Variants in COL7A1 observed in about 807,000 individuals in gnomAD.
COL7A1 encodes the protein collagen type VII alpha 1 chain, also known as collagen alpha-1(VII) chain.
COL7A1 carries 296 observed loss-of-function variants against 456.2 expected under a neutral mutation model. The observed-to-expected ratio is 0.65, with a 90% confidence interval of 0.59 to 0.71. The LOEUF (loss-of-function observed/expected upper bound fraction) is 0.71. COL7A1 is among the 30% of genes least tolerant of loss of function. The probability of loss-of-function intolerance (pLI) is 0.00; values close to 1 mark genes in which losing one functional copy is unlikely to be tolerated. For missense variants in COL7A1, 3,441 were observed against 4,017.2 expected (o/e 0.86, Z 3.88); for synonymous variants, 1,464 against 1,525.9 (o/e 0.96, Z 0.95).
Position 48,570,827 on chromosome 3 carries a change from A to C in COL7A1, c.7272+34T>G. The C allele has an allele frequency of 6.3e-7, 1 of 1,585,326 alleles. No individual in the cohort carries two copies. Among genetic ancestry groups the C allele is most frequent in the South Asian group, 1.1e-5 (1 of 87,524 alleles). On this transcript the variant is annotated intron_variant, in intron 95 of 118. Transcript: ENST00000681320. This position sits in a 1 kb window ranked among gnomAD's most constrained non-coding sequence, Gnocchi z 5.5. ...CCCCCTCCTCACCCACCATGGATTC[A>C]CCATGCCCCTACATGCTGTTCCCAG...
In COL7A1 at chr3:48,565,616, G is replaced by C. The variant is rs759699315; in HGVS notation, c.8440+20C>G. ...CAGGGCCTGGGGTGAAGAAAGTTCT[G>C]GGAGTAGAAAACTACTCACGTGATC... On this transcript the variant is annotated intron_variant, in intron 115 of 118. Transcript: ENST00000681320. This position sits in a 1 kb window ranked among gnomAD's most constrained non-coding sequence, Gnocchi z 4.5. 62 of 1,614,092 alleles carry C rather than the reference G, an allele frequency of 3.8e-5. 5 individuals are homozygous for C. The South Asian group carries it at 6.7e-4, about 17-fold the overall frequency.
Position 48,574,878 on chromosome 3 carries a change from G to A in COL7A1, c.6280-13C>T. 2 of 1,613,686 alleles carry A rather than the reference G, an allele frequency of 1.2e-6. No homozygotes were observed. The highest frequency in any genetic ancestry group is 1.7e-6 in the Non-Finnish European group (2 of 1,179,880). On this transcript the variant is annotated splice_polypyrimidine_tract_variant and intron_variant, in intron 76 of 118. Transcript: ENST00000681320. This position sits in a 1 kb window ranked among gnomAD's most constrained non-coding sequence, Gnocchi z 5.0. ...CATCCACAGACACCTACAAACACAA[G>A]GTCACAGGGGAGAGATGTCTCTGTC...
At position 48,587,580 on chromosome 3, in the gene COL7A1, A is replaced by C; in HGVS notation, c.2858-26T>G. 1 of 1,613,364 alleles carries C rather than the reference A, an allele frequency of 6.2e-7. No individual in the cohort carries two copies. The highest frequency in any genetic ancestry group is 8.5e-7 in the Non-Finnish European group (1 of 1,180,016). ...CTGAAGGAGGAATGAAAGATCGAGG[A>C]TCAGAGGCTGAGTCCTGAGAACCCA... On this transcript the variant is annotated intron_variant, in intron 22 of 118. Transcript: ENST00000681320. This position sits in a 1 kb window ranked among gnomAD's most constrained non-coding sequence, Gnocchi z 6.1.
At position 48,583,624 on chromosome 3, in the gene COL7A1, G is replaced by A. The variant is rs1251171124; in HGVS notation, c.4342-9C>T. The A allele has an allele frequency of 6.2e-6, 10 of 1,613,914 alleles. No individual in the cohort carries two copies. Among genetic ancestry groups the A allele is most frequent in the Non-Finnish European group, 5.9e-6 (7 of 1,180,008 alleles). ...CCATCCTCAGAGTCACCCTGAAGGAGAAACACACGGGTGGGAAGACCGAAG... is the reference window on the plus strand; with the variant it reads ...CCATCCTCAGAGTCACCCTGAAGGAAAAACACACGGGTGGGAAGACCGAAG... On this transcript the variant is annotated splice_polypyrimidine_tract_variant and intron_variant, in intron 40 of 118. Coordinates refer to ENST00000681320, the MANE Select transcript of COL7A1 (RefSeq NM_000094.4). This position sits in a 1 kb window ranked among gnomAD's most constrained non-coding sequence, Gnocchi z 5.1.
At position 48,594,370 on chromosome 3, in the gene COL7A1, T is replaced by C. The variant is rs1244314181; in HGVS notation, c.264A>G (p.Pro88=). ...CAGCCCCCAGGGCCCCTACTCACCG[T>C]GGGTCATCGCTGTACTGCACTGTGG... The part of the protein sequence containing the change: ...RFATVQYSDD[P]RTEFGLDALG... The change falls in exon 3 of 119, where the codon CCA becomes CCG. Residue 88 remains proline (P), a splice_region_variant and synonymous_variant. Coordinates refer to ENST00000681320, the MANE Select transcript of COL7A1 (RefSeq NM_000094.4). This position sits in a 1 kb window ranked among gnomAD's most constrained non-coding sequence, Gnocchi z 5.5. 1.2e-6 allele frequency: 2 copies of C among 1,610,208 alleles called. No individual in the cohort carries two copies. Among genetic ancestry groups the C allele is most frequent in the Non-Finnish European group, 1.7e-6 (2 of 1,180,002 alleles).
chr3:48,589,237 G>T (rs2045517572), intron 18 of COL7A1, 90 bp downstream of exon 18: 1 of 1,577,052 alleles, frequency 6.3e-7, no homozygotes. Context: ...TCACTGAGCA[G>T]GGGGGTGGAG....
Position 48,570,062 on chromosome 3 carries a change from A to G in COL7A1, c.7485+72T>C. On this transcript the variant is annotated intron_variant, in intron 99 of 118. Coordinates refer to ENST00000681320, the MANE Select transcript of COL7A1 (RefSeq NM_000094.4). This position sits in a 1 kb window ranked among gnomAD's most constrained non-coding sequence, Gnocchi z 5.5. ...CAGAGGGCTAGGGAGGATGGCAGAGAGTCCTGGGGTACAAAGGGCACAGGC... is the reference window on the plus strand; with the variant it reads ...CAGAGGGCTAGGGAGGATGGCAGAGGGTCCTGGGGTACAAAGGGCACAGGC... 1 of 1,601,000 alleles carries G rather than the reference A, an allele frequency of 6.2e-7. No homozygotes were observed. Among genetic ancestry groups the G allele is most frequent in the Non-Finnish European group, 8.6e-7 (1 of 1,168,492 alleles).
At position 48,581,834 on chromosome 3, in the gene COL7A1, C is replaced by T. The variant is rs2044782372; in HGVS notation, c.4669-75G>A. 2 of 1,613,368 alleles carry T rather than the reference C, an allele frequency of 1.2e-6. No homozygotes were observed. The highest frequency in any genetic ancestry group is 2.2e-5 in the East Asian group (1 of 44,870). Reference sequence around the variant, plus strand: ...CCTGACCCAGCAAGTCCTGTGACCCCCCAAGTCCCATAGATAGGCCCTATG... The same window carrying T: ...CCTGACCCAGCAAGTCCTGTGACCCTCCAAGTCCCATAGATAGGCCCTATG... On this transcript the variant is annotated intron_variant, in intron 48 of 118. Coordinates refer to ENST00000681320, the MANE Select transcript of COL7A1 (RefSeq NM_000094.4). This position sits in a 1 kb window ranked among gnomAD's most constrained non-coding sequence, Gnocchi z 5.8.
Position 48,572,837 on chromosome 3 carries a change from A to C in COL7A1, c.6831+25T>G. ...GGCCCACAGCTGGGCACCACACCCT[A>C]GCGAGCTGCCCCCAGAACACATACT... is the stretch of plus-strand genomic sequence containing the variant. On this transcript the variant is annotated intron_variant, in intron 87 of 118. Transcript: ENST00000681320. This position sits in a 1 kb window ranked among gnomAD's most constrained non-coding sequence, Gnocchi z 4.6. The C allele has an allele frequency of 1.9e-6, 3 of 1,613,380 alleles. No homozygotes were observed. The highest frequency in any genetic ancestry group is 2.5e-6 in the Non-Finnish European group (3 of 1,179,526).
chr3:48,594,358 C>A lies in COL7A1; in HGVS notation c.266+10G>T. 2 of 1,605,576 alleles carry A rather than the reference C, an allele frequency of 1.2e-6. No individual in the cohort carries two copies. Among genetic ancestry groups the A allele is most frequent in the Non-Finnish European group, 1.7e-6 (2 of 1,178,524 alleles). On this transcript the variant is annotated intron_variant, in intron 3 of 118. Coordinates refer to ENST00000681320, the MANE Select transcript of COL7A1 (RefSeq NM_000094.4). The surrounding 1 kb of genome is among the most constrained non-coding windows in gnomAD (Gnocchi z 5.5). ...TCTCGTGGTCCCCAGCCCCCAGGGC[C>A]CCTACTCACCGTGGGTCATCGCTGT...
rs1273913172 is a variant in COL7A1, at chr3:48,593,415, T to A, written c.461A>T (p.Asp154Val). ...CILITDGKSQ[D>V]LVDTAAQRLK... The stretch of plus-strand genomic sequence containing the variant: ...CCTTTGGGCAGCTGTGTCCACCAGG[T>A]CCTGGGACTTCCCGTCTGTGATCAG... Residue 154 changes from aspartate to valine, a missense_variant, in exon 5 of 119, where the codon GAC becomes GTC. Around this residue, in one of 3 missense-constraint regions of COL7A1, gnomAD observed 913 missense variants for 1,088.2 expected, o/e 0.84. Transcript: ENST00000681320. The surrounding 1 kb of genome is among the most constrained non-coding windows in gnomAD (Gnocchi z 4.4). The A allele has an allele frequency of 1.2e-6, 2 of 1,614,112 alleles. No homozygotes were observed.
rs1355957744 is a variant in COL7A1 at position 48,590,193 on chromosome 3, G to T, written c.2050+20C>A. The T allele has an allele frequency of 6.2e-7, 1 of 1,609,736 alleles. No individual in the cohort carries two copies. Among genetic ancestry groups the T allele is most frequent in the Non-Finnish European group, 8.5e-7 (1 of 1,177,652 alleles). ...AGAGCAATGGAGGCAGAGAGCCAAG[G>T]GACGGGGGCAGGGCCTGACCCGTTC... On this transcript the variant is annotated intron_variant, in intron 16 of 118. Coordinates refer to ENST00000681320, the MANE Select transcript of COL7A1 (RefSeq NM_000094.4). This position sits in a 1 kb window ranked among gnomAD's most constrained non-coding sequence, Gnocchi z 4.6.
Position 48,579,065 on chromosome 3 carries a change from G to A in COL7A1, c.5389-111C>T, listed in dbSNP as rs949433764. 28 of 1,565,446 alleles carry A rather than the reference G, an allele frequency of 1.8e-5. No individual in the cohort carries two copies. The highest frequency in any genetic ancestry group is 2.3e-5 in the Non-Finnish European group (26 of 1,137,660). Reference sequence around the variant, plus strand: ...CATGCCCCACCCAGGCAGGGCTCTGGGAGAAGACACAGACAACAGGTCTCG... The same window carrying A: ...CATGCCCCACCCAGGCAGGGCTCTGAGAGAAGACACAGACAACAGGTCTCG... On this transcript the variant is annotated intron_variant, in intron 62 of 118. Transcript: ENST00000681320. The surrounding 1 kb of genome is among the most constrained non-coding windows in gnomAD (Gnocchi z 4.4).
Position 48,592,049 on chromosome 3 carries a change from G to T in COL7A1, c.1241-35C>A, listed in dbSNP as rs1233219749. ...GCACATGGGATGTCAGTGGCCTCCG[G>T]GCCTTGCCCTGCCTGCCCGTCCCAG... is the stretch of plus-strand genomic sequence containing the variant. On this transcript the variant is annotated intron_variant, in intron 10 of 118. Transcript: ENST00000681320. The surrounding 1 kb of genome is among the most constrained non-coding windows in gnomAD (Gnocchi z 7.6). 8 of 1,614,010 alleles carry T rather than the reference G, an allele frequency of 5.0e-6. No individual in the cohort carries two copies. The highest frequency in any genetic ancestry group is 6.8e-6 in the Non-Finnish European group (8 of 1,180,024).
rs147633212 is a variant in COL7A1 at position 48,576,916 on chromosome 3, C to G, written c.5572G>C (p.Glu1858Gln). ...GDPGEDGRKG[E>Q]KGDSGASGRE... is the part of the protein sequence containing the mutation. ...CCAGAGGCGCCTGAATCTCCTTTCT[C>G]TCCCTAAGGAAGACAAGGATGCTTC... The change falls in exon 67 of 119, where the codon GAG (glutamate) becomes CAG (glutamine). Residue 1858 changes from glutamate (E) to glutamine (Q), a missense_variant. By Grantham distance (29) the Glu-to-Gln change is conservative. This residue lies in a region of COL7A1 where 2,084 missense variants were observed against 2,501.3 expected (regional missense o/e 0.83). Coordinates refer to ENST00000681320, the MANE Select transcript of COL7A1 (RefSeq NM_000094.4). The G allele has an allele frequency of 1.9e-6, 3 of 1,614,084 alleles. No homozygotes were observed. Among genetic ancestry groups the G allele is most frequent in the Non-Finnish European group, 8.5e-7 (1 of 1,180,022 alleles).
In COL7A1 at chr3:48,587,089, C is replaced by T. The variant is rs548322393; in HGVS notation, c.3159G>A (p.Ala1053=). 1.2e-5 allele frequency: 19 copies of T among 1,612,070 alleles called. No individual in the cohort carries two copies. Among genetic ancestry groups the T allele is most frequent in the South Asian group, 7.7e-5 (7 of 90,688 alleles). The change falls in exon 25 of 119, where the codon GCG becomes GCA. Residue 1053 remains alanine, a synonymous_variant. Coordinates refer to ENST00000681320, the MANE Select transcript of COL7A1 (RefSeq NM_000094.4). This position sits in a 1 kb window ranked among gnomAD's most constrained non-coding sequence, Gnocchi z 6.1. ...TGGCATGTGGTAGGAACACCACATC[C>T]GCCAGGCCACGGGGGCACACTGTAG... ...TQTPVCPRGL[A]DVVFLPHATQ...
At position 48,582,332 on chromosome 3, in the gene COL7A1, A is replaced by G; in HGVS notation, c.4626T>C (p.Pro1542=). Residue 1542 remains proline (P), a synonymous_variant, in exon 47 of 119, where the codon CCT becomes CCC. Transcript: ENST00000681320. ...TCCTCCCGTCACTCACCACCACTGC[A>G]GGGTCCCCAGGGCGACCAGGCTCCC... The part of the protein sequence containing the change: ...EKGEPGRPGD[P]AVVGPAVAGP... The G allele has an allele frequency of 6.2e-7, 1 of 1,613,992 alleles. No homozygotes were observed. The highest frequency in any genetic ancestry group is 1.3e-5 in the African/African-American group (1 of 75,032).
At position 48,569,787 on chromosome 3, in the gene COL7A1, G is replaced by A. The variant is rs768588683; in HGVS notation, c.7522-27C>T. 3.7e-6 allele frequency: 6 copies of A among 1,613,974 alleles called. No individual in the cohort carries two copies. In the East Asian group the frequency reaches 8.9e-5, roughly 24 times the overall value. ...TATTGGGCAAAAGAGTGTGAGTCCC[G>A]CCCAAACTGGGGAGGCCCCGCACCT... On this transcript the variant is annotated intron_variant, in intron 100 of 118. Transcript: ENST00000681320. The surrounding 1 kb of genome is among the most constrained non-coding windows in gnomAD (Gnocchi z 4.9).
Position 48,578,776 on chromosome 3 carries a change from C to T in COL7A1, c.5424+143G>A. 2 of 879,852 alleles carry T rather than the reference C, an allele frequency of 2.3e-6. No homozygotes were observed. Among genetic ancestry groups the T allele is most frequent in the East Asian group, 5.3e-5 (2 of 37,828 alleles). 54.5% of individuals were successfully genotyped at this position (879,852 alleles called of 1,614,324 possible). A position where few individuals can be genotyped will look rare whatever the true frequency, so the allele number is the denominator to read the frequency against. On this transcript the variant is annotated intron_variant, in intron 63 of 118. Coordinates refer to ENST00000681320, the MANE Select transcript of COL7A1 (RefSeq NM_000094.4). The surrounding 1 kb of genome is among the most constrained non-coding windows in gnomAD (Gnocchi z 4.7). ...TCAGAAAGGGGGATTCTACTAAAACCTGTGTGCCAGGGACTGAGACCCTCC... is the reference window on the plus strand; with the variant it reads ...TCAGAAAGGGGGATTCTACTAAAACTTGTGTGCCAGGGACTGAGACCCTCC...
Sources: gnomAD v4.1 joint callset for allele counts on GRCh38, gnomAD v4.1.1 for gene constraint, gnomAD v4.1.1 regional missense constraint, Gnocchi (gnomAD v3.1) non-coding constraint, MANE v1.5 for transcripts, NCBI Gene and HGNC (gene_info 2026-07-23, HGNC 2026-07-21) for gene names.